The following CNTN1 variants were observed in gnomAD, a reference collection of about 807,000 sequenced individuals.
CNTN1 encodes contactin-1.
In CNTN1, 38 loss-of-function variants were observed where a neutral mutation model predicts 126.4. The ratio of observed to expected loss-of-function variants is 0.30; its 90% CI spans 0.23 to 0.39. CNTN1 has a LOEUF of 0.39. CNTN1 is among the 10% of genes least tolerant of loss of function. The pLI is 1.00. For synonymous variants in CNTN1, 413 were observed against 422.6 expected, an observed-to-expected ratio of 0.98 and a Z score of 0.28; for missense variants, 1,009 against 1,248.4, an observed-to-expected ratio of 0.81 and a Z score of 2.89.
chr12:40,932,286 A>C (rs1396058346), intron 7 of CNTN1, among the ~76,000 whole-genome samples: 1 of 151,924 alleles, frequency 6.6e-6, no homozygotes, highest in African/African-American at 2.4e-5. Context: ...AATAAGTCTC[A>C]TGAGATCTGA....
intron 16 of CNTN1, among the ~76,000 whole-genome samples, chr12:40,983,185 A>G (rs1393063504): frequency 6.6e-6 from 1 of 152,026 alleles, no homozygotes; most frequent in East Asian, 1.9e-4. Context: ...ATCTTTTCCA[A>G]TTCTTCTACT....
At chr12:40,790,586 G>A (rs565480170) in intron 1 of CNTN1, among the ~76,000 whole-genome samples, 8 of 151,988 alleles carry the variant, frequency 5.3e-5, no homozygotes, top group Admixed American at 1.3e-4. Flanking sequence ...CCAGACTTTG[G>A]ACCCTAGCAG....
chr12:40,789,342 C>T (rs1940143648), intron 1 of CNTN1, among the ~76,000 whole-genome samples: 1 of 152,088 alleles, frequency 6.6e-6, no homozygotes, highest in South Asian at 2.1e-4. Context: ...TCCCTTCTTT[C>T]TCAGAAATGG....
chr12:40,715,530 T>A (rs531587209), intron 1 of CNTN1, among the ~76,000 whole-genome samples: 150 of 152,252 alleles, frequency 9.9e-4, no homozygotes, highest in Non-Finnish European at 1.8e-3. Context: ...AACAACTAAA[T>A]AGTCTTCCAG....
At chr12:40,835,514 CTA>C (rs1462295965) in intron 1 of CNTN1, among the ~76,000 whole-genome samples, 1 of 152,036 alleles carries the variant, frequency 6.6e-6, no homozygotes, top group East Asian at 1.9e-4. Context: ...GTACTGTCAA[CTA>C]TGTTTCTCAG....
intron 1 of CNTN1, among the ~76,000 whole-genome samples, chr12:40,732,747 G>A (rs1319622686): frequency 2.6e-5 from 4 of 152,070 alleles, no homozygotes; most frequent in Non-Finnish European, 4.4e-5. Flanking sequence ...GTTTGGATAA[G>A]CTGACAGGAA....
Position 41,066,128 on chromosome 12 carries a change from G to A in CNTN1, c.2981-3831G>A, listed in dbSNP as rs115585665. Among the ~76,000 whole-genome samples the A allele has an allele frequency of 1.6e-3, 240 of 152,186 alleles. 3 individuals carry two copies. The highest frequency in any genetic ancestry group is 5.4e-3 in the African/African-American group (224 of 41,514). On this transcript the variant is annotated intron_variant, in intron 23 of 23. Transcript: ENST00000551295. ...CCTCGGAAGAATAAAAAATAATGTCGGACCAGGACTAGTTGGAGGACTCCT... is the reference window on the plus strand; with the variant it reads ...CCTCGGAAGAATAAAAAATAATGTCAGACCAGGACTAGTTGGAGGACTCCT...
chr12:40,762,056 A>G (rs1938884482), intron 1 of CNTN1, among the ~76,000 whole-genome samples: 1 of 152,192 alleles, frequency 6.6e-6, no homozygotes. Flanking sequence ...GACTGTATAC[A>G]CTTGTTCCTC....
In CNTN1 at chr12:40,730,102, A is replaced by G. The variant is rs1478514556; in HGVS notation, c.-77+37510A>G. Reference sequence around the variant, plus strand: ...GAGAAGATTAAAGGAAACATTGCTCAACTCCTTTCAGTGCTGTCCCCTCCC... The same window carrying G: ...GAGAAGATTAAAGGAAACATTGCTCGACTCCTTTCAGTGCTGTCCCCTCCC... On this transcript the variant is annotated intron_variant, in intron 1 of 23. Transcript: ENST00000551295. 2.0e-5 allele frequency among the ~76,000 whole-genome samples: 3 copies of G among 152,188 alleles called. No homozygotes were observed. The East Asian group carries it at 5.8e-4, about 29-fold the overall frequency.
At chr12:40,887,810 TAC>T (rs1453505437) in intron 1 of CNTN1, among the ~76,000 whole-genome samples, 1 of 152,038 alleles carries the variant, frequency 6.6e-6, no homozygotes, top group Non-Finnish European at 1.5e-5. Context: ...GTGGCGCGTA[TAC>T]ACCATGGAAT....
Position 40,832,934 on chromosome 12 carries a change from G to A in CNTN1, c.-76-75423G>A, listed in dbSNP as rs532134255. 9.2e-5 allele frequency among the ~76,000 whole-genome samples: 14 copies of A among 152,170 alleles called. No homozygotes were observed. The East Asian group carries it at 9.6e-4, about 10-fold the overall frequency. On this transcript the variant is annotated intron_variant, in intron 1 of 23. Transcript: ENST00000551295. ...CCTAAGCACTTACCTGCTCCTGTTC[G>A]TTCTGGTGAAAACCACACAGTTCCC...
chr12:40,718,791 T>C (rs1236594272), intron 1 of CNTN1, among the ~76,000 whole-genome samples: 3 of 152,184 alleles, frequency 2.0e-5, no homozygotes, highest in African/African-American at 7.2e-5. Flanking sequence ...TCACATCTGA[T>C]GGACGTCACA....
chr12:40,800,475 T>C (rs182835304), intron 1 of CNTN1, among the ~76,000 whole-genome samples: 70 of 152,140 alleles, frequency 4.6e-4, no homozygotes, highest in African/African-American at 1.6e-3. Flanking sequence ...AAGTGCTCTT[T>C]AATTATCCTT....
At chr12:40,978,082 G>A (rs543405959) in intron 15 of CNTN1, among the ~76,000 whole-genome samples, 2 of 152,012 alleles carry the variant, frequency 1.3e-5, no homozygotes, top group African/African-American at 4.8e-5. Context: ...GATTATAGAC[G>A]TGAGTTACCA....
In CNTN1 at chr12:40,733,192, T is replaced by C. The variant is rs550515530; in HGVS notation, c.-77+40600T>C. 2.0e-5 allele frequency among the ~76,000 whole-genome samples: 3 copies of C among 152,106 alleles called. No homozygotes were observed. In the South Asian group the frequency reaches 6.2e-4, roughly 32 times the overall value. Reference sequence around the variant, plus strand: ...GGCTGATGTTACACTTGATTTGCAGTTTTCAAAATACAAAATACAGTGCCC... The same window carrying C: ...GGCTGATGTTACACTTGATTTGCAGCTTTCAAAATACAAAATACAGTGCCC... On this transcript the variant is annotated intron_variant, in intron 1 of 23. Transcript: ENST00000551295.
intron 14 of CNTN1, among the ~76,000 whole-genome samples, chr12:40,948,209 C>G (rs2136965854): frequency 6.6e-6 from 1 of 151,132 alleles, no homozygotes; most frequent in African/African-American, 2.4e-5. Context: ...GAGCAATCAT[C>G]CCCCATTGGA....
chr12:40,830,823 A>G (rs1269784812), intron 1 of CNTN1, among the ~76,000 whole-genome samples: 1 of 126,604 alleles, frequency 7.9e-6, no homozygotes, highest in Non-Finnish European at 1.7e-5. Flanking sequence ...ATATATATAT[A>G]TATATATATA....
chr12:41,069,865 G>T, intron 23 of CNTN1, 94 bp from the exon 24 acceptor site: 1 of 945,776 alleles, frequency 1.1e-6, no homozygotes, highest in South Asian at 1.3e-5. Flanking sequence ...TGTTTTCCAG[G>T]GCTATGCAAT....
chr12:40,865,916 G>A lies in CNTN1; in HGVS notation c.-76-42441G>A, dbSNP rs367865169. ...TCTGTAGAATACTCTTGGGAATATT[G>A]ACATGTAAAATATATTAAGTCTTCT... On this transcript the variant is annotated intron_variant, in intron 1 of 23. Transcript: ENST00000551295. Among the ~76,000 whole-genome samples, 15 of 152,098 alleles carry A rather than the reference G, an allele frequency of 9.9e-5. No individual in the cohort carries two copies. In the South Asian group the frequency reaches 2.9e-3, roughly 29 times the overall value.
Sources: gnomAD v4.1 joint callset for allele counts (sites outside exome capture counted in the v4.1 genomes callset) on GRCh38, gnomAD v4.1.1 for gene constraint, MANE v1.5 for transcripts, NCBI Gene and HGNC (gene_info 2026-07-23, HGNC 2026-07-21) for gene names.